The following DNAJB6 variants were observed in gnomAD, a reference collection of about 807,000 sequenced individuals.
DNAJB6 encodes DnaJ heat shock protein family (Hsp40) member B6.
A neutral mutation model predicts 42.7 loss-of-function variants in DNAJB6; 16 were observed. The observed-to-expected ratio is 0.37, with a 90% CI of 0.25 to 0.57. The LOEUF is 0.57. DNAJB6 is among the 20% of genes least tolerant of loss of function. The pLI, the probability that DNAJB6 is intolerant of heterozygous loss-of-function variation, is 0.74. For synonymous variants in DNAJB6, 170 were observed against 163.5 expected (o/e 1.04, Z -0.30); for missense variants, 347 against 416.8 (o/e 0.83, Z 1.46).
chr7:157,353,804 AGACACAT>A (rs1799133317), intron 1 of DNAJB6, among the ~76,000 whole-genome samples: 1 of 151,864 alleles, frequency 6.6e-6, no homozygotes. Flanking sequence ...CTGGGATGAC[AGACACAT>A]GCCACCATGC....
rs186120171 is a variant in DNAJB6, at chr7:157,350,250, A to G, written c.-26-8297A>G. On this transcript the variant is annotated intron_variant, in intron 1 of 9. Transcript: ENST00000262177. Reference sequence around the variant, plus strand: ...CATTACGACATTGGAGCTTGCTCAGAGGGGAGGGACCAGGTAGGTCAGGGT... The same window carrying G: ...CATTACGACATTGGAGCTTGCTCAGGGGGGAGGGACCAGGTAGGTCAGGGT... Among the ~76,000 whole-genome samples, 289 of 152,254 alleles carry G rather than the reference A, an allele frequency of 1.9e-3. 3 individuals are homozygous for G. The highest frequency in any genetic ancestry group is 6.7e-3 in the African/African-American group (278 of 41,540).
chr7:157,351,522 C>T (rs1318609584), intron 1 of DNAJB6, among the ~76,000 whole-genome samples: 1 of 151,030 alleles, frequency 6.6e-6, no homozygotes, highest in African/African-American at 2.4e-5. Context: ...AGTCCCAGCT[C>T]CTCAGGAGGC....
At chr7:157,369,337 A>C (rs1365122716) in intron 5 of DNAJB6, 3 of 456,628 alleles carry the variant, frequency 6.6e-6, no homozygotes, top group Non-Finnish European at 1.3e-5. Flanking sequence ...AGCCTTCAGC[A>C]AACTGCATTT....
chr7:157,355,644 A>G (rs1584891894), intron 1 of DNAJB6, among the ~76,000 whole-genome samples: 1 of 152,114 alleles, frequency 6.6e-6, no homozygotes, highest in African/African-American at 2.4e-5. Flanking sequence ...GGACTGGGGG[A>G]TGAGTCCAGG....
chr7:157,413,570 G>A (rs1362375740), intron 9 of DNAJB6: 1 of 152,198 alleles, frequency 6.6e-6, no homozygotes, highest in Non-Finnish European at 1.5e-5. Context: ...TCACTGGTGG[G>A]AGAGCGTGCC....
intron 5 of DNAJB6, chr7:157,370,706 T>C (rs1800165260): frequency 6.6e-6 from 1 of 152,668 alleles, no homozygotes; most frequent in African/African-American, 2.4e-5. Context: ...TAAGACCAGG[T>C]ACCCTGTGTT....
intron 1 of DNAJB6, among the ~76,000 whole-genome samples, chr7:157,344,265 C>A (rs989182684): frequency 6.6e-6 from 1 of 151,746 alleles, no homozygotes; most frequent in African/African-American, 2.4e-5. Context: ...GGCGTGAACG[C>A]GGGAGGCGGA....
intron 1 of DNAJB6, among the ~76,000 whole-genome samples, chr7:157,349,203 C>T (rs1798844820): frequency 6.6e-6 from 1 of 152,058 alleles, no homozygotes; most frequent in Admixed American, 6.6e-5. Flanking sequence ...TGTCTACATG[C>T]CTGTCTTCCA....
intron 8 of DNAJB6, among the ~76,000 whole-genome samples, chr7:157,405,413 C>T (rs1795729217): frequency 6.6e-6 from 1 of 152,134 alleles, no homozygotes; most frequent in South Asian, 2.1e-4. Flanking sequence ...TGTGCATTCC[C>T]ATATCTTGTG....
At chr7:157,374,911 G>GGA in intron 5 of DNAJB6, among the ~76,000 whole-genome samples, 1 of 152,334 alleles carries the variant, frequency 6.6e-6, no homozygotes, top group South Asian at 2.1e-4. Context: ...ACAGTCACCT[G>GGA]AGCAAGACGT....
intron 1 of DNAJB6, among the ~76,000 whole-genome samples, chr7:157,348,259 A>AT (rs1205084299): frequency 1.3e-5 from 2 of 150,724 alleles, no homozygotes; most frequent in Non-Finnish European, 2.9e-5. Context: ...TGCCCAGCTA[A>AT]TTTTTTGTAT....
chr7:157,357,288 G>GTCCGTCCTTCCTTCCTTCCTTCCT (rs1799348173), intron 1 of DNAJB6, among the ~76,000 whole-genome samples: 2 of 32,170 alleles, frequency 6.2e-5, no homozygotes, highest in Non-Finnish European at 1.4e-4. Flanking sequence ...CCTTCCTTCC[G>GTCCGTCCTTCCTTCCTTCCTTCCT]TCCTTCCTTC....
At chr7:157,410,113 G>T in intron 9 of DNAJB6, 112 bp downstream of exon 9, 1 of 1,419,534 alleles carries the variant, frequency 7.0e-7, no homozygotes, top group Non-Finnish European at 9.2e-7. Context: ...ACCTGAGCGG[G>T]CGTGGGCGGT....
rs1798698056 is a variant in DNAJB6, at chr7:157,346,549, A to G, written c.-27+9405A>G. Reference sequence around the variant, plus strand: ...ATATAGTTTTATCAGTTTTTTTTAAACACTGTTTTTGAGAGGTCTGAGGAA... The same window carrying G: ...ATATAGTTTTATCAGTTTTTTTTAAGCACTGTTTTTGAGAGGTCTGAGGAA... On this transcript the variant is annotated intron_variant, in intron 1 of 9. Transcript: ENST00000262177. Among the ~76,000 whole-genome samples the G allele has an allele frequency of 1.3e-5, 2 of 152,180 alleles. 1 individual carries two copies. Among genetic ancestry groups the G allele is most frequent in the South Asian group, 4.1e-4 (2 of 4,828 alleles).
chr7:157,371,719 T>C (rs542974367), intron 5 of DNAJB6, among the ~76,000 whole-genome samples: 5 of 152,340 alleles, frequency 3.3e-5, no homozygotes, highest in South Asian at 4.1e-4. Context: ...AGTGGACTTA[T>C]TTGAATTAGG....
intron 1 of DNAJB6, among the ~76,000 whole-genome samples, chr7:157,349,509 GTC>G (rs1226961223): frequency 4.0e-5 from 6 of 151,570 alleles, no homozygotes; most frequent in African/African-American, 1.5e-4. Flanking sequence ...TTGAGTCAGA[GTC>G]TTGCTCGGTC....
chr7:157,362,313 C>T (rs2116969204), intron 2 of DNAJB6, among the ~76,000 whole-genome samples: 1 of 152,268 alleles, frequency 6.6e-6, no homozygotes, highest in Non-Finnish European at 1.5e-5. Context: ...GGAATCAGAA[C>T]ATGGAAGGAT....
chr7:157,341,013 G>C (rs1006326632), intron 1 of DNAJB6, among the ~76,000 whole-genome samples: 1 of 90,716 alleles, frequency 1.1e-5, no homozygotes, highest in Non-Finnish European at 2.6e-5. Flanking sequence ...CGCGCAGGTG[G>C]AATCACCCTG....
intron 1 of DNAJB6, among the ~76,000 whole-genome samples, chr7:157,339,255 GTGGGGGTGGAATGGTC>G (rs1442890463): frequency 6.7e-6 from 1 of 149,784 alleles, no homozygotes. Flanking sequence ...CAGGTCTGAG[GTGGGGGTGGAATGGTC>G]TGTTTGCACC....
Sources: gnomAD v4.1 joint callset for allele counts (sites outside exome capture counted in the v4.1 genomes callset) on GRCh38, gnomAD v4.1.1 for gene constraint, MANE v1.5 for transcripts, NCBI Gene and HGNC (gene_info 2026-07-23, HGNC 2026-07-21) for gene names.